AGAP9: variants seen among roughly 807,000 people sequenced by gnomAD.
AGAP9 encodes ArfGAP with GTPase domain, ankyrin repeat and PH domain 9, also known as arf-GAP with GTPase, ANK repeat and PH domain-containing protein 9.
In AGAP9, 23 loss-of-function variants were observed where a neutral mutation model predicts 55.6. The ratio of observed to expected loss-of-function variants is 0.41; its 90% CI spans 0.30 to 0.59. AGAP9 has a LOEUF of 0.59. Ranked by LOEUF, AGAP9 falls within the 20% of genes least tolerant of loss-of-function variation. The pLI is 0.25. For missense variants in AGAP9, 309 were observed against 808.1 expected (o/e 0.38, Z 7.49); for synonymous variants, 120 against 305.0 (o/e 0.39, Z 6.32).
intron 5 of AGAP9, among the ~76,000 whole-genome samples, chr10:47,508,184 C>G (rs1304917245): frequency 1.2e-5 from 1 of 81,076 alleles, no homozygotes; most frequent in East Asian, 6.3e-4. Flanking sequence ...CCTGCCTCAG[C>G]CTCCCAAGTG....
chr10:47,502,182 C>A lies in AGAP9; in HGVS notation c.1947G>T (p.Trp649Cys). The change falls in exon 8 of 8, where the codon TGG (tryptophan) becomes TGT (cysteine). Residue 649 changes from tryptophan to cysteine, a missense_variant. Coordinates refer to ENST00000452145, the MANE Select transcript of AGAP9 (RefSeq NM_001190810.1). ...LEQLLTGWTS[W>C]PEMPTGTQR ...GCTGTGTTCCCGTGGGCATCTCGGG[C>A]CATGACGTCCACCCCGTCAGGAGCT... 1.9e-6 allele frequency: 3 copies of A among 1,544,066 alleles called. 1 individual carries two copies. Among genetic ancestry groups the A allele is most frequent in the Non-Finnish European group, 2.6e-6 (3 of 1,142,944 alleles).
At chr10:47,512,957 T>TTG (rs1214895864) in intron 4 of AGAP9, among the ~76,000 whole-genome samples, 1 of 123,406 alleles carries the variant, frequency 8.1e-6, no homozygotes, top group Non-Finnish European at 1.6e-5. Flanking sequence ...TTATGTGGTG[T>TTG]ATCACATTTA....
At chr10:47,517,538 C>T (rs1331697126) in intron 4 of AGAP9, among the ~76,000 whole-genome samples, 150 of 144,844 alleles carry the variant, frequency 1.0e-3, no homozygotes, top group African/African-American at 3.8e-3. Context: ...TCCTAAAGTG[C>T]TGTGATTACA....
intron 4 of AGAP9, among the ~76,000 whole-genome samples, chr10:47,515,707 T>C (rs1343548657): frequency 5.0e-5 from 7 of 140,560 alleles, no homozygotes; most frequent in Non-Finnish European, 9.2e-5. Context: ...TAACTCTGCT[T>C]TTCCTTTCCA....
Position 47,502,573 on chromosome 10 carries a change from A to G in AGAP9, c.1556T>C (p.Leu519Pro), listed in dbSNP as rs1362220518. Residue 519 changes from leucine to proline, a missense_variant, in exon 8 of 8, where the codon CTG becomes CCG. Transcript: ENST00000452145. ...CTCAACTGGCCAGTCATCCAGCTCC[A>G]GAGATCGCACACGGGAAAGGCGGGT... is the stretch of plus-strand genomic sequence containing the variant. ...FGTRLSRVRS[L>P]ELDDWPVELR... The G allele has an allele frequency of 6.2e-7, 1 of 1,610,350 alleles. No individual in the cohort carries two copies. Among genetic ancestry groups the G allele is most frequent in the African/African-American group, 1.4e-5 (1 of 73,966 alleles).
At chr10:47,504,880 A>C in intron 6 of AGAP9, among the ~76,000 whole-genome samples, 1 of 122,170 alleles carries the variant, frequency 8.2e-6, no homozygotes, top group Admixed American at 9.6e-5. Flanking sequence ...TTTTGAGACC[A>C]AGTTTTACTC....
In AGAP9 at chr10:47,509,944, A is replaced by G. The variant is rs4013594; in HGVS notation, c.497+227T>C. On this transcript the variant is annotated intron_variant, in intron 5 of 7. Transcript: ENST00000452145. ...TTCAACATTGTCTAAAGGCATAAAG[A>G]CATCAAAAAGACACACTGTTTCTGG... is the stretch of plus-strand genomic sequence containing the variant. 6.3e-5 allele frequency among the ~76,000 whole-genome samples: 9 copies of G among 142,618 alleles called. 1 individual carries two copies. The highest frequency in any genetic ancestry group is 2.8e-4 in the East Asian group (1 of 3,548). The allele number at this position is 142,618 out of a possible 152,430, so 93.6% of individuals were successfully genotyped here.
chr10:47,507,410 GA>G, intron 6 of AGAP9, 137 bp downstream of exon 6: 2 of 1,055,122 alleles, frequency 1.9e-6, no homozygotes, highest in Non-Finnish European at 2.6e-6. Context: ...AAGGAACAAA[GA>G]AAATACAAAT....
rs3894965 is a variant in AGAP9 at position 47,501,942 on chromosome 10, T to C, written c.*210A>G. 1.4e-4 allele frequency: 163 copies of C among 1,180,702 alleles called. No individual in the cohort carries two copies. The highest frequency in any genetic ancestry group is 2.8e-4 in the Admixed American group (11 of 39,832). 73.1% of individuals were successfully genotyped at this position (1,180,702 alleles called of 1,614,324 possible). A position where few individuals can be genotyped will look rare whatever the true frequency, so the allele number is the denominator to read the frequency against. On this transcript the variant is annotated 3_prime_UTR_variant, in exon 8 of 8. Coordinates refer to ENST00000452145, the MANE Select transcript of AGAP9 (RefSeq NM_001190810.1). ...CAGAAAAATCAACATTTTGTGTATTTACTTAGTTTACGAAAAGTACTGAAA... is the reference window on the plus strand; with the variant it reads ...CAGAAAAATCAACATTTTGTGTATTCACTTAGTTTACGAAAAGTACTGAAA...
intron 4 of AGAP9, among the ~76,000 whole-genome samples, chr10:47,510,935 A>T (rs1426110270): frequency 0.3 from 34,753 of 114,636 alleles, 5,613 homozygotes; most frequent in East Asian, 0.43. Context: ...TTAATTAATT[A>T]ATTTATTTAT....
intron 3 of AGAP9, among the ~76,000 whole-genome samples, chr10:47,518,416 A>AT (rs1367001773): frequency 0.022 from 2,202 of 100,246 alleles, 180 homozygotes; most frequent in Admixed American, 0.034. Context: ...ACGTATCTTA[A>AT]TTTTTTTTTT....
At chr10:47,506,394 G>C (rs1329531932) in intron 6 of AGAP9, among the ~76,000 whole-genome samples, 10 of 138,942 alleles carry the variant, frequency 7.2e-5, no homozygotes, top group East Asian at 3.0e-4. Flanking sequence ...GCAATGGCAA[G>C]ATCTCGGCTC....
chr10:47,502,731 G>A lies in AGAP9; in HGVS notation c.1398C>T (p.Ala466=), dbSNP rs1840380896. 1 of 1,598,780 alleles carries A rather than the reference G, an allele frequency of 6.3e-7. No homozygotes were observed. The highest frequency in any genetic ancestry group is 1.7e-5 in the Admixed American group (1 of 59,176). ...SQLTSQSEAM[A]LQSIQNMRGN... ...CACGCATGTTTTGGATCGACTGCAG[G>A]GCCATGGCCTCACTCTGGCTGGTCA... The change falls in exon 8 of 8, where the codon GCC becomes GCT. Residue 466 remains alanine (A), a synonymous_variant. Transcript: ENST00000452145.
At chr10:47,506,473 G>T (rs1157589396) in intron 6 of AGAP9, among the ~76,000 whole-genome samples, 2 of 138,350 alleles carry the variant, frequency 1.4e-5, no homozygotes, top group African/African-American at 5.5e-5. Flanking sequence ...TGGGACTACA[G>T]GCATGCACCA....
At chr10:47,509,122 GA>G (rs1165126258) in intron 5 of AGAP9, among the ~76,000 whole-genome samples, 2 of 136,300 alleles carry the variant, frequency 1.5e-5, no homozygotes, top group African/African-American at 6.0e-5. Context: ...GAATAATGAG[GA>G]AAAAAGCACA....
In AGAP9 at chr10:47,510,122, T is replaced by C. The variant is rs1840573815; in HGVS notation, c.497+49A>G. ...GAAGAGGACAACCAAATGGCTGAAA[T>C]AATTTCCGAATAAAGGAATCTGTCC... is the stretch of plus-strand genomic sequence containing the variant. On this transcript the variant is annotated intron_variant, in intron 5 of 7. Coordinates refer to ENST00000452145, the MANE Select transcript of AGAP9 (RefSeq NM_001190810.1). 2.4e-6 allele frequency: 3 copies of C among 1,230,128 alleles called. 1 individual carries two copies. Among genetic ancestry groups the C allele is most frequent in the African/African-American group, 3.5e-5 (2 of 57,898 alleles). 76.2% of individuals were successfully genotyped at this position (1,230,128 alleles called of 1,614,324 possible).
rs4013543 is a variant in AGAP9 at position 47,502,604 on chromosome 10, A to G, written c.1525T>C (p.Phe509Leu). The change falls in exon 8 of 8, where the codon TTT (phenylalanine) becomes CTT (leucine). Residue 509 changes from phenylalanine to leucine, a missense_variant. Transcript: ENST00000452145. ...CIECSGIHRS[F>L]GTRLSRVRSL... is the part of the protein sequence containing the mutation. ...CGCACACGGGAAAGGCGGGTGCCAA[A>G]ACTGCGGTGGATACCTGAGCATTCA... is the stretch of plus-strand genomic sequence containing the variant. The G allele has an allele frequency of 0.044, 61,644 of 1,412,586 alleles. 12,505 individuals are homozygous for G. The highest frequency in any genetic ancestry group is 0.34 in the East Asian group (10,030 of 29,534). The allele number at this position is 1,412,586 out of a possible 1,614,324, so 87.5% of individuals were successfully genotyped here.
Position 47,503,523 on chromosome 10 carries a change from C to A in AGAP9, c.606G>T (p.Met202Ile). ...HSFAVSTVHI[M>I]KKRNGGGSLN... Reference sequence around the variant, plus strand: ...AACTCCCACCTCCATTTCTTTTCTTCATAATGTGCACGGTGGAAACCTGTG... The same window carrying A: ...AACTCCCACCTCCATTTCTTTTCTTAATAATGTGCACGGTGGAAACCTGTG... Residue 202 changes from methionine (M) to isoleucine (I), a missense_variant, in exon 8 of 8, where the codon ATG becomes ATT. Coordinates refer to ENST00000452145, the MANE Select transcript of AGAP9 (RefSeq NM_001190810.1). The A allele has an allele frequency of 1.9e-6, 3 of 1,604,814 alleles. No homozygotes were observed. The East Asian group carries it at 6.8e-5, about 36-fold the overall frequency.
At chr10:47,513,157 C>A (rs1198137967) in intron 4 of AGAP9, among the ~76,000 whole-genome samples, 1 of 149,482 alleles carries the variant, frequency 6.7e-6, no homozygotes, top group Non-Finnish European at 1.5e-5. Flanking sequence ...GCCTCAGCCA[C>A]CCGAGTAGAT....
Sources: allele counts gnomAD v4.1 joint callset (sites outside exome capture counted in the v4.1 genomes callset), GRCh38; gene constraint gnomAD v4.1.1; transcripts MANE v1.5; gene names NCBI Gene and HGNC (gene_info 2026-07-23, HGNC 2026-07-21).